SLC8B1: variants seen among roughly 807,000 people sequenced by gnomAD.
SLC8B1 encodes mitochondrial sodium/calcium exchanger protein.
SLC8B1 carries 52 observed loss-of-function variants against 63.4 expected under a neutral mutation model. The ratio of observed to expected loss-of-function variants is 0.82; its 90% CI spans 0.66 to 1.03. The LOEUF (loss-of-function observed/expected upper bound fraction) is 1.03. Ranked by LOEUF, SLC8B1 falls within the 50% of genes least tolerant of loss-of-function variation. The pLI is 0.00. For synonymous variants in SLC8B1, 336 were observed against 323.9 expected (o/e 1.04, Z -0.40); for missense variants, 657 against 741.7 (o/e 0.89, Z 1.33).
chr12:113,300,119 T>G (rs1956559672), intron 15 of SLC8B1, 145 bp from the exon 16 acceptor site: 1 of 622,152 alleles, frequency 1.6e-6, no homozygotes, highest in Non-Finnish European at 2.7e-6. Flanking sequence ...TCAGCAACAA[T>G]GCAGCCTCAA....
chr12:113,304,428 T>A (rs1389607283), intron 14 of SLC8B1, 43 bp from the exon 15 acceptor site: 2 of 1,565,974 alleles, frequency 1.3e-6, no homozygotes, highest in East Asian at 4.5e-5. Context: ...GGCCTGCACA[T>A]AACCCAACCA....
chr12:113,325,554 A>T (rs1472147089), intron 2 of SLC8B1, among the ~76,000 whole-genome samples: 13 of 147,426 alleles, frequency 8.8e-5, no homozygotes, highest in African/African-American at 3.3e-4. Flanking sequence ...GAACCACCAA[A>T]CCTGGCCTTA....
intron 8 of SLC8B1, among the ~76,000 whole-genome samples, chr12:113,318,305 G>T (rs1011954539): frequency 6.6e-6 from 1 of 151,748 alleles, no homozygotes; most frequent in Non-Finnish European, 1.5e-5. Context: ...ATGTATTTGT[G>T]TATGTGCGCA....
intron 2 of SLC8B1, among the ~76,000 whole-genome samples, chr12:113,326,232 C>T (rs1404387502): frequency 1.3e-5 from 2 of 152,196 alleles, no homozygotes; most frequent in African/African-American, 4.8e-5. Context: ...CACACCCATT[C>T]GTTGATGTAC....
Position 113,334,545 on chromosome 12 carries a change from C to G in SLC8B1, c.-185G>C, listed in dbSNP as rs1289170433. On this transcript the variant is annotated 5_prime_UTR_variant, in exon 1 of 16. Transcript: ENST00000680972. ...TGGCACCAAGTTCAAACAGGACACCCCTGGTTTCAAATTCGTCTCGGCCAC... is the reference window on the plus strand; with the variant it reads ...TGGCACCAAGTTCAAACAGGACACCGCTGGTTTCAAATTCGTCTCGGCCAC... The G allele has an allele frequency of 6.6e-6, 1 of 152,172 alleles. No individual in the cohort carries two copies. The highest frequency in any genetic ancestry group is 1.5e-5 in the Non-Finnish European group (1 of 68,030). The allele number at this position is 152,172 out of a possible 1,614,324, so 9.4% of individuals were successfully genotyped here.
intron 9 of SLC8B1, 76 bp from the exon 10 acceptor site, chr12:113,316,732 A>C: frequency 1.3e-6 from 2 of 1,581,328 alleles, no homozygotes; most frequent in South Asian, 2.3e-5. Flanking sequence ...GCTCCATCCC[A>C]CCAGTCCTCC....
rs144868306 is a variant in SLC8B1, at chr12:113,304,377, C to G, written c.1501G>C (p.Val501Leu). ...AGCAGGCAGCCCAGCCCCACACCCA[C>G]GAGGATGTCTGCAGCCCAGCTCAGG... ...CFGGIIFNIL[V>L]GVGLGCLLQI... Residue 501 changes from valine to leucine, a missense_variant, in exon 15 of 16, where the codon GTG becomes CTG. Val to Leu is a conservative substitution (Grantham distance 32). Transcript: ENST00000680972. 15 of 1,613,826 alleles carry G rather than the reference C, an allele frequency of 9.3e-6. No individual in the cohort carries two copies. Among genetic ancestry groups the G allele is most frequent in the African/African-American group, 2.7e-5 (2 of 74,920 alleles).
intron 12 of SLC8B1, among the ~76,000 whole-genome samples, 187 bp downstream of exon 12, chr12:113,310,046 CA>C (rs11297438): frequency 0.24 from 33,690 of 143,182 alleles, 4,545 homozygotes; most frequent in African/African-American, 0.39. Flanking sequence ...AAGCTATTAC[CA>C]AAAAAAAAAA....
chr12:113,311,230 C>T (rs1338229099), intron 11 of SLC8B1, among the ~76,000 whole-genome samples: 2 of 152,196 alleles, frequency 1.3e-5, no homozygotes, highest in African/African-American at 4.8e-5. Context: ...GCGGGTGGAT[C>T]ACCTGAGGTC....
At chr12:113,300,709 C>T (rs1452295391) in intron 15 of SLC8B1, among the ~76,000 whole-genome samples, 1 of 152,226 alleles carries the variant, frequency 6.6e-6, no homozygotes, top group African/African-American at 2.4e-5. Context: ...GCCAGGTCCA[C>T]CTGCCTGGGT....
intron 8 of SLC8B1, among the ~76,000 whole-genome samples, chr12:113,318,214 T>C (rs1755398630): frequency 1.3e-5 from 2 of 152,038 alleles, no homozygotes; most frequent in South Asian, 4.1e-4. Flanking sequence ...TGTATTCATA[T>C]ATGTGTTGTA....
chr12:113,298,988 C>T lies in SLC8B1; in HGVS notation c.*789G>A, dbSNP rs1170980975. The T allele has an allele frequency of 6.6e-6, 1 of 152,352 alleles. No individual in the cohort carries two copies. The highest frequency in any genetic ancestry group is 1.5e-5 in the Non-Finnish European group (1 of 68,136). The allele number at this position is 152,352 out of a possible 1,614,324, so 9.4% of individuals were successfully genotyped here. On this transcript the variant is annotated 3_prime_UTR_variant, in exon 16 of 16. Transcript: ENST00000680972. ...AGGGCCCCGCTGAGGGAGGCACAGG[C>T]ACAGTCCTACCGACTCCTGCCTGGC...
chr12:113,303,141 A>ACACACACACGCGCG (rs773636454), intron 15 of SLC8B1, among the ~76,000 whole-genome samples: 5 of 145,638 alleles, frequency 3.4e-5, no homozygotes, highest in African/African-American at 1.3e-4. Flanking sequence ...ACACACACAC[A>ACACACACACGCGCG]CGCGCGCGCA....
intron 7 of SLC8B1, chr12:113,319,338 G>T (rs1238514836): frequency 2.5e-6 from 1 of 399,118 alleles, no homozygotes; most frequent in East Asian, 5.8e-5. Flanking sequence ...AGTACTAAGG[G>T]TCGGTGTCCT....
At chr12:113,332,399 T>C (rs1957068473) in intron 2 of SLC8B1, among the ~76,000 whole-genome samples, 1 of 152,168 alleles carries the variant, frequency 6.6e-6, no homozygotes, top group South Asian at 2.1e-4. Flanking sequence ...AGGGTTCTGA[T>C]GATTACAGGC....
chr12:113,320,580 C>G lies in SLC8B1; in HGVS notation c.526+1G>C. 1 of 1,614,066 alleles carries G rather than the reference C, an allele frequency of 6.2e-7. No individual in the cohort carries two copies. The highest frequency in any genetic ancestry group is 8.5e-7 in the Non-Finnish European group (1 of 1,180,024). The stretch of plus-strand genomic sequence containing the variant: ...GCCCCCCTCACTGGGGCTGCTCTCA[C>G]CAAACAGTGCCCCAAGGGCCAGGCC... On this transcript the variant is annotated splice_donor_variant, in intron 6 of 15. Coordinates refer to ENST00000680972, the MANE Select transcript of SLC8B1 (RefSeq NM_001358345.2). LOFTEE classifies it high-confidence loss of function. This position sits in a 1 kb window ranked among gnomAD's most constrained non-coding sequence, Gnocchi z 5.3.
intron 1 of SLC8B1, 120 bp downstream of exon 1, chr12:113,334,323 C>T (rs1377655514): frequency 6.6e-6 from 1 of 152,078 alleles, no homozygotes; most frequent in Non-Finnish European, 1.5e-5. Context: ...CCCATAAAAA[C>T]GTTTTTTTCT....
At chr12:113,325,002 C>T (rs115118645) in intron 2 of SLC8B1, among the ~76,000 whole-genome samples, 2 of 152,184 alleles carry the variant, frequency 1.3e-5, no homozygotes, top group African/African-American at 4.8e-5. Context: ...CCATGCCCAA[C>T]CAGCTCTACC....
Position 113,299,682 on chromosome 12 carries a change from A to C in SLC8B1, c.*95T>G, listed in dbSNP as rs1033901619. 3.0e-5 allele frequency: 37 copies of C among 1,251,824 alleles called. No individual in the cohort carries two copies. Among genetic ancestry groups the C allele is most frequent in the Non-Finnish European group, 4.3e-5 (37 of 861,682 alleles). 77.5% of individuals were successfully genotyped at this position (1,251,824 alleles called of 1,614,324 possible). ...CAAGGGCCGCACTCTCGTGCCCACA[A>C]GGGCCTTGCAGAAATGCTCCGGTCC... On this transcript the variant is annotated 3_prime_UTR_variant, in exon 16 of 16. Transcript: ENST00000680972.
Sources: gnomAD v4.1 joint callset for allele counts (sites outside exome capture counted in the v4.1 genomes callset) on GRCh38, gnomAD v4.1.1 for gene constraint, Gnocchi (gnomAD v3.1) non-coding constraint, MANE v1.5 for transcripts, NCBI Gene and HGNC (gene_info 2026-07-23, HGNC 2026-07-21) for gene names.